Variants in TRIQK observed in about 807,000 individuals in gnomAD.
The protein encoded by TRIQK is triple QxxK/R motif-containing protein.
Under a neutral mutation model 10.8 loss-of-function variants are expected in TRIQK, and 10 were observed. That is an observed-to-expected ratio of 0.92 (90% CI 0.57 to 1.57). TRIQK has a LOEUF of 1.57. TRIQK is among the 40% of genes most tolerant of loss of function. TRIQK has a pLI of 0.00. For missense variants in TRIQK, 107 were observed against 97.7 expected, an observed-to-expected ratio of 1.09 and a Z score of -0.40; for synonymous variants, 33 against 33.7, an observed-to-expected ratio of 0.98 and a Z score of 0.07.
At chr8:92,997,275 GA>G (rs1813162031) in intron 1 of TRIQK, among the ~76,000 whole-genome samples, 1 of 151,998 alleles carries the variant, frequency 6.6e-6, no homozygotes, top group African/African-American at 2.4e-5. Flanking sequence ...TAGGAACAAG[GA>G]AATAAGTACT....
At chr8:92,935,726 C>T (rs1003653237) in intron 2 of TRIQK, among the ~76,000 whole-genome samples, 36 of 151,096 alleles carry the variant, frequency 2.4e-4, no homozygotes, top group African/African-American at 8.2e-4. Context: ...GAAAAAAATA[C>T]ACAAACAGTA....
At chr8:92,968,514 T>A (rs373117840), upstream of TRIQK, among the ~76,000 whole-genome samples, 1 of 152,242 alleles carries the variant, frequency 6.6e-6, no homozygotes, top group East Asian at 1.9e-4. Flanking sequence ...TGAGATGGTA[T>A]CTCATTGTGG....
At chr8:92,898,833 G>A (rs868523247) in intron 3 of TRIQK, among the ~76,000 whole-genome samples, 11 of 73,918 alleles carry the variant, frequency 1.5e-4, no homozygotes, top group African/African-American at 4.6e-4. Context: ...GTGTGTGTGT[G>A]TATATATATA....
intron 3 of TRIQK, among the ~76,000 whole-genome samples, chr8:92,893,383 C>G (rs1449958256): frequency 6.6e-6 from 1 of 151,964 alleles, no homozygotes; most frequent in African/African-American, 2.4e-5. Flanking sequence ...GGATTGTCTT[C>G]TCTTTCCTTA....
intron 2 of TRIQK, among the ~76,000 whole-genome samples, chr8:92,931,420 A>G (rs1162299591): frequency 1.3e-5 from 2 of 152,048 alleles, no homozygotes; most frequent in African/African-American, 4.8e-5. Context: ...CTGTCAATCT[A>G]AGAGGGGGCT....
At chr8:92,980,094 T>C (rs1301019704) in intron 1 of TRIQK, among the ~76,000 whole-genome samples, 3 of 152,106 alleles carry the variant, frequency 2.0e-5, no homozygotes, top group East Asian at 3.8e-4. Flanking sequence ...AAATTTCTGG[T>C]ACTTTATTAA....
intron 3 of TRIQK, among the ~76,000 whole-genome samples, chr8:92,897,147 G>T (rs1403142890): frequency 1.3e-5 from 2 of 152,104 alleles, no homozygotes; most frequent in Non-Finnish European, 2.9e-5. Flanking sequence ...TAGATAATTT[G>T]ATTAATTTCA....
chr8:92,912,638 A>C (rs1030813244), intron 3 of TRIQK, among the ~76,000 whole-genome samples: 5 of 151,940 alleles, frequency 3.3e-5, no homozygotes, highest in Non-Finnish European at 7.4e-5. Flanking sequence ...TCACACACGA[A>C]ATAGCAGACA....
chr8:92,909,189 C>T (rs923222988), intron 3 of TRIQK, among the ~76,000 whole-genome samples: 4 of 151,872 alleles, frequency 2.6e-5, no homozygotes, highest in Admixed American at 2.6e-4. Flanking sequence ...TGCATTTTAA[C>T]ACCTTCAAGA....
chr8:92,917,759 T>C (rs567694968), intron 2 of TRIQK, among the ~76,000 whole-genome samples: 5 of 152,188 alleles, frequency 3.3e-5, no homozygotes, highest in African/African-American at 9.6e-5. Flanking sequence ...TTCTAAGTAT[T>C]TAGAAATACA....
chr8:92,929,666 T>G (rs1810611560), intron 2 of TRIQK: 1 of 152,164 alleles, frequency 6.6e-6, no homozygotes. Flanking sequence ...CCCATGGAAT[T>G]ATATTTTTAA....
chr8:92,949,009 G>GTTCAAACC (rs1811693668), intron 2 of TRIQK, among the ~76,000 whole-genome samples: 1 of 152,132 alleles, frequency 6.6e-6, no homozygotes, highest in African/African-American at 2.4e-5. Flanking sequence ...AGGCTCAAAT[G>GTTCAAACC]AGGCAAACAC....
chr8:92,952,141 T>C (rs982675602), intron 2 of TRIQK, among the ~76,000 whole-genome samples: 1 of 151,390 alleles, frequency 6.6e-6, no homozygotes, highest in South Asian at 2.1e-4. Context: ...GGCAGGGATG[T>C]TGAAATTATC....
At chr8:93,012,445 T>G (rs1813344525) in intron 1 of TRIQK, among the ~76,000 whole-genome samples, 1 of 152,156 alleles carries the variant, frequency 6.6e-6, no homozygotes, top group African/African-American at 2.4e-5. Context: ...TCCAGCGTTT[T>G]CAGAAAAGCC....
At chr8:92,996,797 AGT>A (rs1298517037) in intron 1 of TRIQK, among the ~76,000 whole-genome samples, 2 of 151,932 alleles carry the variant, frequency 1.3e-5, no homozygotes, top group Non-Finnish European at 2.9e-5. Flanking sequence ...AGTCTTTGTA[AGT>A]GTGTATAGAT....
At chr8:92,937,682 A>C (rs1251436644) in intron 2 of TRIQK, among the ~76,000 whole-genome samples, 1 of 150,886 alleles carries the variant, frequency 6.6e-6, no homozygotes, top group African/African-American at 2.4e-5. Context: ...TTACATTTTT[A>C]GCAGTTACTA....
chr8:92,946,805 G>A (rs774403259), intron 2 of TRIQK, among the ~76,000 whole-genome samples: 2 of 149,822 alleles, frequency 1.3e-5, no homozygotes, highest in Admixed American at 6.6e-5. Context: ...CTGTCGCCCA[G>A]GCTGGAGTGC....
rs1310591624 is a variant in TRIQK at position 92,954,506 on chromosome 8, G to T, written c.-122C>A. The T allele has an allele frequency of 6.6e-6, 1 of 151,902 alleles. No homozygotes were observed. The highest frequency in any genetic ancestry group is 1.5e-5 in the Non-Finnish European group (1 of 67,866). 9.4% of individuals were successfully genotyped at this position (151,902 alleles called of 1,614,324 possible). A position where few individuals can be genotyped will look rare whatever the true frequency, so the allele number is the denominator to read the frequency against. ...GGTCTTTAGTTAGGTAGCAGTGCTT[G>T]CATTCCTGGCAAATTCAATTCCAAA... On this transcript the variant is annotated 5_prime_UTR_variant, in exon 2 of 5. Transcript: ENST00000521988.
intron 3 of TRIQK, among the ~76,000 whole-genome samples, chr8:92,911,004 G>A (rs900430301): frequency 2.0e-5 from 3 of 151,220 alleles, no homozygotes; most frequent in Non-Finnish European, 4.4e-5. Context: ...TTCCTTTCAA[G>A]CACAGGGAAT....
Sources: gnomAD v4.1 joint callset for allele counts (sites outside exome capture counted in the v4.1 genomes callset) on GRCh38, gnomAD v4.1.1 for gene constraint, MANE v1.5 for transcripts, NCBI Gene and HGNC (gene_info 2026-07-23, HGNC 2026-07-21) for gene names.